Variants in GARNL3 observed in about 807,000 individuals in gnomAD.
GARNL3 encodes GTPase activating Rap/RanGAP domain like 3, also known as GTPase-activating Rap/Ran-GAP domain-like protein 3.
Under a neutral mutation model 125.0 loss-of-function variants are expected in GARNL3, and 63 were observed. The observed-to-expected ratio is 0.50, with a 90% CI of 0.41 to 0.62. GARNL3 has a LOEUF of 0.62. Among genes scored for constraint, GARNL3 ranks in the 20% least tolerant of loss-of-function variants. GARNL3 has a pLI of 0.00. For missense variants in GARNL3, 994 were observed against 1,244.0 expected, an observed-to-expected ratio of 0.80 and a Z score of 3.02; for synonymous variants, 439 against 457.5, an observed-to-expected ratio of 0.96 and a Z score of 0.52.
intron 1 of GARNL3, among the ~76,000 whole-genome samples, chr9:127,284,785 A>G (rs2064201206): frequency 6.6e-6 from 1 of 151,838 alleles, no homozygotes; most frequent in Non-Finnish European, 1.5e-5. Context: ...ATACATGCAT[A>G]TATACATATA....
chr9:127,245,475 G>C (rs1443450058), intron 2 of GARNL3: 3 of 152,314 alleles, frequency 2.0e-5, no homozygotes, highest in Non-Finnish European at 2.9e-5. Flanking sequence ...TTCTGGACTT[G>C]CGTGGCCTCA....
intron 7 of GARNL3, among the ~76,000 whole-genome samples, chr9:127,326,393 T>C (rs1003562356): frequency 6.6e-6 from 1 of 152,096 alleles, no homozygotes; most frequent in Non-Finnish European, 1.5e-5. Context: ...AAGTGATTGA[T>C]TGATTGATGA....
At chr9:127,252,421 T>C (rs1456359314) in intron 2 of GARNL3, among the ~76,000 whole-genome samples, 1 of 152,232 alleles carries the variant, frequency 6.6e-6, no homozygotes, top group African/African-American at 2.4e-5. Context: ...ATTTATTGTG[T>C]AAGCTGGACA....
intron 2 of GARNL3, among the ~76,000 whole-genome samples, 157 bp from the exon 3 acceptor site, chr9:127,311,479 A>G (rs891699431): frequency 1.3e-5 from 2 of 152,198 alleles, no homozygotes; most frequent in African/African-American, 4.8e-5. Context: ...ATGTGAATTT[A>G]GACTGGGTGT....
At chr9:127,255,486 A>G (rs2063481067) in intron 2 of GARNL3, among the ~76,000 whole-genome samples, 1 of 152,248 alleles carries the variant, frequency 6.6e-6, no homozygotes, top group African/African-American at 2.4e-5. Context: ...TAAAACTATA[A>G]GCAGGCAGTA....
Position 127,333,101 on chromosome 9 carries a change from G to C in GARNL3, c.749G>C (p.Arg250Pro). 1 of 1,613,874 alleles carries C rather than the reference G, an allele frequency of 6.2e-7. No individual in the cohort carries two copies. The highest frequency in any genetic ancestry group is 1.7e-5 in the Admixed American group (1 of 60,016). The change falls in exon 9 of 28, where the codon CGT (arginine) becomes CCT (proline). Residue 250 changes from arginine to proline, a missense_variant. Physicochemically the swap from Arg to Pro is moderately radical, Grantham distance 103 (BLOSUM62 -2). This residue lies in a region of GARNL3 where 71 missense variants were observed against 66.2 expected (regional missense o/e 1.07). Coordinates refer to ENST00000373387, the MANE Select transcript of GARNL3 (RefSeq NM_032293.5). The stretch of plus-strand genomic sequence containing the variant: ...ACTCTAAAGGGCTGGACGGGCTACC[G>C]TGGCGGTCTGGATACCAAAAGTAAG... The part of the protein sequence containing the change: ...TITLKGWTGY[R>P]GGLDTKNDTT...
Position 127,393,165 on chromosome 9 carries a change from G to T in GARNL3, c.2953G>T (p.Val985Leu). 1 of 1,613,996 alleles carries T rather than the reference G, an allele frequency of 6.2e-7. No individual in the cohort carries two copies. Among genetic ancestry groups the T allele is most frequent in the Non-Finnish European group, 8.5e-7 (1 of 1,179,818 alleles). ...GHSASSDQDP[V>L]ADREGSPVSG... Reference sequence around the variant, plus strand: ...CTCAGCCAGCTCTGACCAGGACCCTGTGGCAGACAGAGAGGGCAGCCCGGT... The same window carrying T: ...CTCAGCCAGCTCTGACCAGGACCCTTTGGCAGACAGAGAGGGCAGCCCGGT... Residue 985 changes from valine (V) to leucine (L), a missense_variant, in exon 28 of 28, where the codon GTG becomes TTG. This residue lies in a region of GARNL3 where 728 missense variants were observed against 865.7 expected (regional missense o/e 0.84). Coordinates refer to ENST00000373387, the MANE Select transcript of GARNL3 (RefSeq NM_032293.5).
chr9:127,355,717 C>G (rs1830654121), intron 20 of GARNL3, among the ~76,000 whole-genome samples: 1 of 152,180 alleles, frequency 6.6e-6, no homozygotes, highest in Admixed American at 6.5e-5. Context: ...ACAAAGTCTT[C>G]TGATGGGGAT....
chr9:127,361,587 T>G (rs1831002657), intron 21 of GARNL3: 2 of 152,144 alleles, frequency 1.3e-5, no homozygotes, highest in South Asian at 4.1e-4. Flanking sequence ...TTAATAAAGG[T>G]CTGAATAATA....
intron 1 of GARNL3, among the ~76,000 whole-genome samples, chr9:127,276,380 ATTT>A (rs1554897934): frequency 7.3e-6 from 1 of 136,848 alleles, no homozygotes; most frequent in Non-Finnish European, 1.6e-5. Context: ...CCTTCTCAGC[ATTT>A]TTTTTTTTTT....
chr9:127,264,325 TG>T, upstream of GARNL3: 2 of 230,482 alleles, frequency 8.7e-6, no homozygotes, highest in Non-Finnish European at 1.5e-5. Flanking sequence ...TAAGCCTTTT[TG>T]GGGGGTGGGT....
intron 18 of GARNL3, 60 bp downstream of exon 18, chr9:127,354,004 C>A: frequency 1.8e-6 from 2 of 1,127,976 alleles, no homozygotes; most frequent in Admixed American, 1.8e-5. Flanking sequence ...CTTCTGCGGC[C>A]CACACCACAG....
At chr9:127,302,519 T>A (rs2064831958) in intron 2 of GARNL3, among the ~76,000 whole-genome samples, 1 of 152,174 alleles carries the variant, frequency 6.6e-6, no homozygotes, top group Non-Finnish European at 1.5e-5. Flanking sequence ...AAAAAATGTT[T>A]AAGATACATG....
intron 7 of GARNL3, among the ~76,000 whole-genome samples, chr9:127,330,979 C>T (rs1371067524): frequency 1.3e-5 from 2 of 152,128 alleles, no homozygotes; most frequent in African/African-American, 2.4e-5. Context: ...TCCTGGCAAT[C>T]GCCTTGACTT....
At chr9:127,323,751 A>AC (rs10708036) in intron 6 of GARNL3, among the ~76,000 whole-genome samples, 12 of 151,432 alleles carry the variant, frequency 7.9e-5, no homozygotes, top group South Asian at 2.1e-4. Context: ...ATTAAACTGC[A>AC]CCCCCCCATA....
At chr9:127,269,679 A>C (rs1295444434) in intron 1 of GARNL3, among the ~76,000 whole-genome samples, 1 of 152,036 alleles carries the variant, frequency 6.6e-6, no homozygotes, top group Non-Finnish European at 1.5e-5. Context: ...GATGTTGAGC[A>C]TCTTTTCATG....
intron 17 of GARNL3, 59 bp downstream of exon 17, chr9:127,349,094 A>G: frequency 8.5e-7 from 1 of 1,175,564 alleles, no homozygotes; most frequent in South Asian, 1.2e-5. Context: ...TACTTCTAAG[A>G]TGAGTGACCA....
rs577471885 is a variant in GARNL3 at position 127,275,536 on chromosome 9, T to C, written c.144+10515T>C. ...CCTGTCTCAGGGCAAGTTTCTGTTT[T>C]CGTAGGGCACATATCCATTCCATGG... On this transcript the variant is annotated intron_variant, in intron 1 of 27. Transcript: ENST00000373387. Among the ~76,000 whole-genome samples the C allele has an allele frequency of 2.0e-5, 3 of 152,350 alleles. No individual in the cohort carries two copies. The South Asian group carries it at 6.2e-4, about 32-fold the overall frequency.
chr9:127,367,981 C>T (rs1024792149), intron 22 of GARNL3, among the ~76,000 whole-genome samples: 1 of 148,548 alleles, frequency 6.7e-6, no homozygotes, highest in Non-Finnish European at 1.5e-5. Context: ...TTATTCAGAA[C>T]TCAGTTTTTT....
Sources: allele counts gnomAD v4.1 joint callset (sites outside exome capture counted in the v4.1 genomes callset), GRCh38; gene constraint gnomAD v4.1.1; regional missense constraint gnomAD v4.1.1; transcripts MANE v1.5; gene names NCBI Gene and HGNC (gene_info 2026-07-23, HGNC 2026-07-21).